Variants in MAGI1 observed in about 807,000 individuals in gnomAD.
MAGI1 encodes membrane associated guanylate kinase, WW and PDZ domain containing 1.
Under a neutral mutation model 139.9 loss-of-function variants are expected in MAGI1, and 58 were observed. The ratio of observed to expected loss-of-function variants is 0.41; its 90% confidence interval spans 0.34 to 0.52. MAGI1 has a LOEUF of 0.52. MAGI1 is among the 20% of genes least tolerant of loss of function. The pLI, the probability that MAGI1 is intolerant of heterozygous loss-of-function variation, is 0.12. For synonymous variants in MAGI1, 812 were observed against 737.9 expected, an observed-to-expected ratio of 1.10 and a Z score of -1.63; for missense variants, 1,874 against 1,901.6, an observed-to-expected ratio of 0.99 and a Z score of 0.27.
chr3:65,898,306 G>T (rs145223413), intron 1 of MAGI1, among the ~76,000 whole-genome samples: 181 of 152,190 alleles, frequency 1.2e-3, no homozygotes, highest in Non-Finnish European at 1.5e-3. Context: ...TAAATAAAAG[G>T]CGGCTGGGTA....
At chr3:65,742,244 G>A (rs749604078) in intron 1 of MAGI1, among the ~76,000 whole-genome samples, 1 of 151,988 alleles carries the variant, frequency 6.6e-6, no homozygotes, top group Non-Finnish European at 1.5e-5. Flanking sequence ...AATGAATCAG[G>A]TTCCCTGCCA....
At chr3:66,030,795 A>G (rs1297131837) in intron 1 of MAGI1, among the ~76,000 whole-genome samples, 1 of 152,230 alleles carries the variant, frequency 6.6e-6, no homozygotes, top group Non-Finnish European at 1.5e-5. Flanking sequence ...CAGAGACTAC[A>G]GAAATGATTA....
chr3:65,975,457 T>A (rs2065220885), intron 1 of MAGI1, among the ~76,000 whole-genome samples: 1 of 152,072 alleles, frequency 6.6e-6, no homozygotes, highest in Non-Finnish European at 1.5e-5. Context: ...CAAGTCTGAA[T>A]TGAAAGATGG....
chr3:65,360,504 A>G (rs1940730990), intron 22 of MAGI1: 1 of 985,092 alleles, frequency 1.0e-6, no homozygotes, highest in Non-Finnish European at 1.2e-6. Context: ...AAGGAACTCT[A>G]TGTATAACCT....
At chr3:65,743,197 A>G (rs1046077531) in intron 1 of MAGI1, among the ~76,000 whole-genome samples, 2 of 152,192 alleles carry the variant, frequency 1.3e-5, no homozygotes, top group Non-Finnish European at 2.9e-5. Context: ...CATGGTGATA[A>G]TATTCATATT....
intron 2 of MAGI1, among the ~76,000 whole-genome samples, chr3:65,603,555 C>T (rs1330910858): frequency 6.6e-6 from 1 of 152,180 alleles, no homozygotes; most frequent in African/African-American, 2.4e-5. Flanking sequence ...GGCATTACTG[C>T]CATCGAACAG....
intron 12 of MAGI1, among the ~76,000 whole-genome samples, chr3:65,425,756 A>G (rs1946995981): frequency 6.6e-6 from 1 of 152,156 alleles, no homozygotes; most frequent in South Asian, 2.1e-4. Context: ...TACATTTTAA[A>G]GAGTGTCACA....
chr3:65,687,817 C>A, intron 1 of MAGI1: 1 of 594,600 alleles, frequency 1.7e-6, no homozygotes, highest in South Asian at 1.4e-5. Context: ...TCTGATGCTA[C>A]AGTGAAGACT....
intron 1 of MAGI1, among the ~76,000 whole-genome samples, chr3:65,645,204 A>T (rs2085195211): frequency 6.6e-6 from 1 of 152,074 alleles, no homozygotes; most frequent in Non-Finnish European, 1.5e-5. Context: ...ATAGAGGTTC[A>T]AGAAGGTCAG....
At chr3:65,528,887 A>G (rs2078508480) in intron 2 of MAGI1, among the ~76,000 whole-genome samples, 1 of 152,130 alleles carries the variant, frequency 6.6e-6, no homozygotes, top group Admixed American at 6.5e-5. Flanking sequence ...CCCTACAAAA[A>G]AATTTAAAAA....
At chr3:65,890,304 G>C (rs2060695923) in intron 1 of MAGI1, among the ~76,000 whole-genome samples, 1 of 152,210 alleles carries the variant, frequency 6.6e-6, no homozygotes, top group Non-Finnish European at 1.5e-5. Flanking sequence ...GGCGGAGCTT[G>C]CAGTGAGCAG....
intron 1 of MAGI1, among the ~76,000 whole-genome samples, chr3:65,766,833 G>A (rs1257745220): frequency 6.6e-6 from 1 of 151,346 alleles, no homozygotes; most frequent in Admixed American, 6.6e-5. Context: ...AGGTTGCAGT[G>A]AGCCGAGATC....
At chr3:65,991,883 C>G (rs551063976) in intron 1 of MAGI1, among the ~76,000 whole-genome samples, 216 of 152,190 alleles carry the variant, frequency 1.4e-3, no homozygotes, top group African/African-American at 5.0e-3. Flanking sequence ...GGCATGACAG[C>G]AGGCACCTGT....
At chr3:65,689,625 G>A (rs2088392593) in intron 1 of MAGI1, among the ~76,000 whole-genome samples, 1 of 152,122 alleles carries the variant, frequency 6.6e-6, no homozygotes, top group Non-Finnish European at 1.5e-5. Flanking sequence ...CTCCTGGGCT[G>A]GTTACAGTTA....
chr3:65,711,740 C>T (rs1203684236), intron 1 of MAGI1, among the ~76,000 whole-genome samples: 1 of 152,152 alleles, frequency 6.6e-6, no homozygotes, highest in Non-Finnish European at 1.5e-5. Flanking sequence ...AGAGGGATAA[C>T]AGCAGGAGTC....
At chr3:65,926,327 T>TTCTCTCTCTCTTTCTCTC (rs2062504251) in intron 1 of MAGI1, among the ~76,000 whole-genome samples, 1 of 115,592 alleles carries the variant, frequency 8.7e-6, no homozygotes, top group East Asian at 2.9e-4. Flanking sequence ...AAGTCTTCTT[T>TTCTCTCTCTCTTTCTCTC]TCTCTCTCTC....
At chr3:65,424,404 C>T (rs1479227147) in intron 12 of MAGI1, among the ~76,000 whole-genome samples, 2 of 152,124 alleles carry the variant, frequency 1.3e-5, no homozygotes, top group Non-Finnish European at 2.9e-5. Flanking sequence ...GCCAGAGACA[C>T]AAGAGTAAGA....
At chr3:65,648,153 CT>C (rs11348687) in intron 1 of MAGI1, among the ~76,000 whole-genome samples, 10,968 of 146,448 alleles carry the variant, frequency 0.075, 1,272 homozygotes, top group African/African-American at 0.25. Context: ...GAATGTATTT[CT>C]TTTTTTTTTT....
chr3:66,002,105 A>G (rs1270395860), intron 1 of MAGI1, among the ~76,000 whole-genome samples: 1 of 152,150 alleles, frequency 6.6e-6, no homozygotes, highest in Non-Finnish European at 1.5e-5. Flanking sequence ...CAAGCACAAA[A>G]ATCTCTTGGC....
Sources: allele counts gnomAD v4.1 joint callset (sites outside exome capture counted in the v4.1 genomes callset), GRCh38; gene constraint gnomAD v4.1.1; transcripts MANE v1.5; gene names NCBI Gene and HGNC (gene_info 2026-07-23, HGNC 2026-07-21).